Variants in CRACR2A observed in about 807,000 individuals in gnomAD.
CRACR2A encodes the protein EF-hand calcium-binding domain-containing protein 4B.
Under a neutral mutation model 90.5 loss-of-function variants are expected in CRACR2A, and 79 were observed. The ratio of observed to expected loss-of-function variants is 0.87; its 90% CI spans 0.73 to 1.05. CRACR2A has a LOEUF of 1.05. Among genes scored for constraint, CRACR2A ranks in the 50% least tolerant of loss-of-function variants. CRACR2A has a pLI of 0.00. For synonymous variants in CRACR2A, 338 were observed against 356.7 expected (o/e 0.95, Z 0.59); for missense variants, 823 against 897.2 (o/e 0.92, Z 1.06).
At chr12:3,629,113 C>T (rs1944332838) in intron 15 of CRACR2A, among the ~76,000 whole-genome samples, 1 of 152,326 alleles carries the variant, frequency 6.6e-6, no homozygotes, top group Middle Eastern at 3.4e-3. Context: ...ACTGTGACAT[C>T]CATGTGAGTT....
At chr12:3,653,223 T>C (rs375666681) in intron 10 of CRACR2A, among the ~76,000 whole-genome samples, 126 of 149,654 alleles carry the variant, frequency 8.4e-4, no homozygotes, top group Middle Eastern at 3.5e-3. Context: ...CCTTGTAATC[T>C]GCCCACCTTG....
chr12:3,673,493 G>C lies in CRACR2A; in HGVS notation c.624C>G (p.Leu208=). 1 of 1,614,160 alleles carries C rather than the reference G, an allele frequency of 6.2e-7. No individual in the cohort carries two copies. Among genetic ancestry groups the C allele is most frequent in the East Asian group, 2.2e-5 (1 of 44,876 alleles). The change falls in exon 7 of 20, where the codon CTC becomes CTG. Residue 208 remains leucine (L), a synonymous_variant. Transcript: ENST00000440314. ...CATTCTTCTCCTCATGGGCTTCTTG[G>C]AGCTGGGAGATGATTCTGGTCAGGA... ...EDFLTRIISQ[L]QEAHEEKNEL... is the part of the protein sequence containing the mutation.
chr12:3,734,629 A>ATT (rs1555121535), intron 1 of CRACR2A, among the ~76,000 whole-genome samples: 4 of 149,502 alleles, frequency 2.7e-5, no homozygotes, highest in African/African-American at 4.9e-5. Context: ...AGGTGTGTGT[A>ATT]TGTGTGTGTG....
chr12:3,664,555 A>G (rs573384014), intron 7 of CRACR2A, among the ~76,000 whole-genome samples: 1 of 152,120 alleles, frequency 6.6e-6, no homozygotes, highest in South Asian at 2.1e-4. Flanking sequence ...GAATTTTTTT[A>G]TTACTTCAAA....
chr12:3,673,560 A>T lies in CRACR2A; in HGVS notation c.557T>A (p.Leu186Gln). 1 of 1,613,908 alleles carries T rather than the reference A, an allele frequency of 6.2e-7. No homozygotes were observed. The highest frequency in any genetic ancestry group is 8.5e-7 in the Non-Finnish European group (1 of 1,180,000). ...CAGTAAATGAGGTTCCTCCTTCTTC[A>T]GCTGCAACCAGAGCTGCTTGACATC... ...ESDVKQLWLQ[L>Q]KKEEPHLLSN... The change falls in exon 7 of 20, where the codon CTG becomes CAG. Residue 186 changes from leucine to glutamine, a missense_variant. Coordinates refer to ENST00000440314, the MANE Select transcript of CRACR2A (RefSeq NM_001144958.2).
intron 12 of CRACR2A, among the ~76,000 whole-genome samples, chr12:3,643,880 T>TATATATATAATA (rs1565471082): frequency 2.2e-5 from 1 of 44,516 alleles, no homozygotes; most frequent in Admixed American, 5.2e-4. Context: ...TTATATATAT[T>TATATATATAATA]TATATTAATA....
chr12:3,679,912 G>A (rs2137613338), intron 5 of CRACR2A, among the ~76,000 whole-genome samples: 2 of 152,336 alleles, frequency 1.3e-5, no homozygotes, highest in South Asian at 4.1e-4. Context: ...CAGAAAAGGA[G>A]AGGCTGCAAA....
rs770941690 is a variant in CRACR2A, at chr12:3,696,866, G to A, written c.134C>T (p.Thr45Met). The A allele has an allele frequency of 9.3e-6, 15 of 1,614,084 alleles. No individual in the cohort carries two copies. The highest frequency in any genetic ancestry group is 5.0e-5 in the Admixed American group (3 of 60,006). The change falls in exon 4 of 20, where the codon ACG (threonine) becomes ATG (methionine). Residue 45 changes from threonine (T) to methionine (M), a missense_variant. By Grantham distance (81) the Thr-to-Met change is moderately conservative. Coordinates refer to ENST00000440314, the MANE Select transcript of CRACR2A (RefSeq NM_001144958.2). The stretch of plus-strand genomic sequence containing the variant: ...CCTCAGCATGACTAGCTGGCCCGAC[G>A]TTTGCTCCTGAGTCTCCTTCTGCTC... ...SLEQKETQEQ[T>M]SGQLVMLRKA...
chr12:3,690,659 T>C (rs998485753), intron 4 of CRACR2A, among the ~76,000 whole-genome samples: 2 of 152,200 alleles, frequency 1.3e-5, no homozygotes, highest in African/African-American at 4.8e-5. Context: ...GAGAGTTCTG[T>C]AGATGTCTAT....
chr12:3,693,003 A>G (rs1945675206), intron 4 of CRACR2A, among the ~76,000 whole-genome samples: 1 of 152,056 alleles, frequency 6.6e-6, no homozygotes, highest in Non-Finnish European at 1.5e-5. Context: ...TGTGCCCCCC[A>G]ACGCTCCAAC....
At chr12:3,620,669 A>G (rs1944112927) in intron 17 of CRACR2A, among the ~76,000 whole-genome samples, 1 of 152,156 alleles carries the variant, frequency 6.6e-6, no homozygotes, top group Non-Finnish European at 1.5e-5. Context: ...CACTTCTCCA[A>G]CCTTTTCCTC....
chr12:3,671,229 T>C (rs908133361), intron 7 of CRACR2A, among the ~76,000 whole-genome samples: 1 of 152,270 alleles, frequency 6.6e-6, no homozygotes, highest in South Asian at 2.1e-4. Context: ...TGTTTCAGAC[T>C]GCAATTATCT....
In CRACR2A at chr12:3,733,130, CCCCA is replaced by C. The variant is rs1466561869; in HGVS notation, c.-310_-307del. 1 of 152,808 alleles carries C rather than the reference CCCCA, an allele frequency of 6.5e-6. No individual in the cohort carries two copies. 9.5% of individuals were successfully genotyped at this position (152,808 alleles called of 1,614,324 possible). A position where few individuals can be genotyped will look rare whatever the true frequency, so the allele number is the denominator to read the frequency against. On this transcript the variant is annotated 5_prime_UTR_variant, in exon 2 of 20. Coordinates refer to ENST00000440314, the MANE Select transcript of CRACR2A (RefSeq NM_001144958.2). ...GAGGAAGAGTGGCAAGTTGCTGCTG[CCCCA>C]CCCTTGACAAACAGCCCAATGGCCC...
intron 1 of CRACR2A, chr12:3,752,626 C>T (rs1325588168): frequency 6.6e-6 from 1 of 152,420 alleles, no homozygotes; most frequent in South Asian, 2.1e-4. Flanking sequence ...GTAGCACTGA[C>T]CTGCAAGGTA....
rs148354264 is a variant in CRACR2A at position 3,679,734 on chromosome 12, T to C, written c.340+504A>G. ...GTGTCTGGTTTCTTTATATTGTTCA[T>C]AGATCTCGATTCTTCTTCCTCCTGG... is the stretch of plus-strand genomic sequence containing the variant. On this transcript the variant is annotated intron_variant, in intron 5 of 19. Transcript: ENST00000440314. Among the ~76,000 whole-genome samples, 72 of 152,360 alleles carry C rather than the reference T, an allele frequency of 4.7e-4. 1 individual carries two copies. The highest frequency in any genetic ancestry group is 2.2e-4 in the Non-Finnish European group (15 of 68,028).
rs571008771 is a variant in CRACR2A, at chr12:3,745,689, G to A, written c.-387+7326C>T. Reference sequence around the variant, plus strand: ...CTTGGGAGGCTGAGGCAGGAGAATCGCTTGAACCCAGGAGGTGTAGGTAGG... The same window carrying A: ...CTTGGGAGGCTGAGGCAGGAGAATCACTTGAACCCAGGAGGTGTAGGTAGG... On this transcript the variant is annotated intron_variant, in intron 1 of 19. Transcript: ENST00000440314. 1.5e-4 allele frequency among the ~76,000 whole-genome samples: 22 copies of A among 151,676 alleles called. No individual in the cohort carries two copies. The South Asian group carries it at 4.0e-3, about 27-fold the overall frequency.
At chr12:3,704,733 GA>G (rs1267406753) in intron 3 of CRACR2A, among the ~76,000 whole-genome samples, 1 of 152,178 alleles carries the variant, frequency 6.6e-6, no homozygotes, top group East Asian at 1.9e-4. Flanking sequence ...TGGCAAGCAG[GA>G]AATGGCTGAA....
At chr12:3,722,253 G>C (rs190383241) in intron 2 of CRACR2A, among the ~76,000 whole-genome samples, 33 of 152,272 alleles carry the variant, frequency 2.2e-4, no homozygotes, top group Non-Finnish European at 3.2e-4. Flanking sequence ...AGTCATCAAG[G>C]GTTCCAGGAC....
At chr12:3,650,038 A>G (rs918734309) in intron 10 of CRACR2A, among the ~76,000 whole-genome samples, 3 of 152,160 alleles carry the variant, frequency 2.0e-5, no homozygotes, top group African/African-American at 4.8e-5. Context: ...ACATTTTTTA[A>G]TCACCCTCCG....
Sources: allele counts gnomAD v4.1 joint callset (sites outside exome capture counted in the v4.1 genomes callset), GRCh38; gene constraint gnomAD v4.1.1; transcripts MANE v1.5; gene names NCBI Gene and HGNC (gene_info 2026-07-23, HGNC 2026-07-21).